The following MS4A10 variants were observed in gnomAD, a reference collection of about 807,000 sequenced individuals.
MS4A10 encodes the protein membrane spanning 4-domains A10.
Under a neutral mutation model 27.7 loss-of-function variants are expected in MS4A10, and 27 were observed. The ratio of observed to expected loss-of-function variants is 0.98; its 90% confidence interval spans 0.72 to 1.35. The LOEUF is 1.35. Ranked by LOEUF, MS4A10 falls within the 40% of genes most tolerant of loss-of-function variation. MS4A10 has a pLI of 0.00. For synonymous variants in MS4A10, 139 were observed against 131.2 expected, an observed-to-expected ratio of 1.06 and a Z score of -0.41; for missense variants, 338 against 324.7, an observed-to-expected ratio of 1.04 and a Z score of -0.32.
At position 60,799,841 on chromosome 11, in the gene MS4A10, A is replaced by G. The variant is rs1477703782; in HGVS notation, c.736A>G (p.Lys246Glu). The part of the protein sequence containing the change: ...HKQHQRLREV[K>E]QVAPDTWIVT... ...CATTTCATGCAGGCTCAGAGAAGTT[A>G]AGCAAGTTGCCCCGGACACATGGAT... Residue 246 changes from lysine to glutamate, a missense_variant, in exon 8 of 8, where the codon AAG becomes GAG. Transcript: ENST00000308287. 6.6e-7 allele frequency: 1 copy of G among 1,515,482 alleles called. No individual in the cohort carries two copies. The highest frequency in any genetic ancestry group is 9.1e-7 in the Non-Finnish European group (1 of 1,092,918). The allele number at this position is 1,515,482 out of a possible 1,614,324, so 93.9% of individuals were successfully genotyped here.
rs1044891948 is a variant in MS4A10, at chr11:60,790,339, A to G, written c.4A>G (p.Lys2Glu). Residue 2 changes from lysine to glutamate, a missense_variant, in exon 2 of 8, where the codon AAA (lysine) becomes GAA (glutamate). Lys to Glu is a moderately conservative substitution (Grantham distance 56). Coordinates refer to ENST00000308287, the MANE Select transcript of MS4A10 (RefSeq NM_206893.4). M[K>E]AEATVIPSRC... The stretch of plus-strand genomic sequence containing the variant: ...CCAGGGCCCCCATCCAGCATCAATG[A>G]AAGCAGAAGCCACAGTTATTCCCAG... 2 of 1,613,910 alleles carry G rather than the reference A, an allele frequency of 1.2e-6. No homozygotes were observed. The highest frequency in any genetic ancestry group is 1.7e-6 in the Non-Finnish European group (2 of 1,179,902).
chr11:60,790,354 G>T lies in MS4A10; in HGVS notation c.19G>T (p.Val7Phe). MKAEAT[V>F]IPSRCARGLP... is the part of the protein sequence containing the mutation. ...AGCATCAATGAAAGCAGAAGCCACA[G>T]TTATTCCCAGCCGTTGTGCTAGGGG... The change falls in exon 2 of 8, where the codon GTT becomes TTT. Residue 7 changes from valine to phenylalanine, a missense_variant. By Grantham distance (50) the Val-to-Phe change is conservative. Coordinates refer to ENST00000308287, the MANE Select transcript of MS4A10 (RefSeq NM_206893.4). 3.1e-6 allele frequency: 5 copies of T among 1,614,072 alleles called. No homozygotes were observed. Among genetic ancestry groups the T allele is most frequent in the Non-Finnish European group, 8.5e-7 (1 of 1,179,972 alleles).
At chr11:60,797,987 A>C (rs1439746029) in intron 6 of MS4A10, among the ~76,000 whole-genome samples, 2 of 152,184 alleles carry the variant, frequency 1.3e-5, no homozygotes, top group African/African-American at 4.8e-5. Context: ...CTCATCACTA[A>C]TCAGGGATGG....
intron 7 of MS4A10, among the ~76,000 whole-genome samples, chr11:60,798,809 C>T (rs1854577635): frequency 6.6e-6 from 1 of 152,246 alleles, no homozygotes; most frequent in Non-Finnish European, 1.5e-5. Flanking sequence ...CCCTGCCAGC[C>T]TCCAGAGCAA....
chr11:60,792,199 G>A (rs1004592494), intron 3 of MS4A10, 66 bp from the exon 4 acceptor site: 4 of 1,227,826 alleles, frequency 3.3e-6, no homozygotes, highest in African/African-American at 3.0e-5. Context: ...TAGGGGTGGG[G>A]GTGGGAATTT....
intron 5 of MS4A10, among the ~76,000 whole-genome samples, chr11:60,795,311 G>A (rs562140023): frequency 7.2e-4 from 110 of 152,112 alleles, no homozygotes; most frequent in African/African-American, 2.3e-3. Flanking sequence ...GCCCTCAAAC[G>A]TTAGGCCAAT....
At chr11:60,795,808 A>C in intron 6 of MS4A10, 143 bp downstream of exon 6, 1 of 495,236 alleles carries the variant, frequency 2.0e-6, no homozygotes, top group East Asian at 3.7e-5. Context: ...ACTAAGTGAC[A>C]GCCCACGATC....
rs1854407516 is a variant in MS4A10 at position 60,790,322 on chromosome 11, C to T, written c.-14C>T. On this transcript the variant is annotated 5_prime_UTR_variant, in exon 2 of 8. Coordinates refer to ENST00000308287, the MANE Select transcript of MS4A10 (RefSeq NM_206893.4). ...TCCTCCCCGTCCTGCAGCCAGGGCC[C>T]CCATCCAGCATCAATGAAAGCAGAA... is the stretch of plus-strand genomic sequence containing the variant. 2 of 1,613,198 alleles carry T rather than the reference C, an allele frequency of 1.2e-6. No homozygotes were observed. Among genetic ancestry groups the T allele is most frequent in the Non-Finnish European group, 1.7e-6 (2 of 1,179,530 alleles).
chr11:60,794,091 C>A lies in MS4A10; in HGVS notation c.480C>A (p.Tyr160Ter). 2 of 1,614,118 alleles carry A rather than the reference C, an allele frequency of 1.2e-6. No individual in the cohort carries two copies. Among genetic ancestry groups the A allele is most frequent in the Non-Finnish European group, 8.5e-7 (1 of 1,180,026 alleles). ...TTGAGTCCCCGATCTGGAGAATGTACCCCAACTCCACGGTGAGTACCCAGG... is the reference window on the plus strand; with the variant it reads ...TTGAGTCCCCGATCTGGAGAATGTAACCCAACTCCACGGTGAGTACCCAGG... ...SPFESPIWRM[Y>*]PNSTVHIQRL... The change falls in exon 5 of 8, where the codon TAC becomes TAA. Residue 160 changes from tyrosine (Y) to a stop codon, truncating the protein, a stop_gained. Coordinates refer to ENST00000308287, the MANE Select transcript of MS4A10 (RefSeq NM_206893.4). LOFTEE classifies it high-confidence loss of function.
At chr11:60,796,346 G>A (rs915253087) in intron 6 of MS4A10, among the ~76,000 whole-genome samples, 10 of 152,164 alleles carry the variant, frequency 6.6e-5, no homozygotes, top group East Asian at 1.9e-4. Context: ...ACAGTGGCAC[G>A]ATCTCGGCCC....
At chr11:60,795,162 G>A (rs185535782) in intron 5 of MS4A10, among the ~76,000 whole-genome samples, 19 of 152,196 alleles carry the variant, frequency 1.2e-4, no homozygotes, top group African/African-American at 4.6e-4. Context: ...ATGACTCCCA[G>A]CTGCACGGCT....
At chr11:60,788,074 T>C (rs1314188326) in intron 1 of MS4A10, among the ~76,000 whole-genome samples, 1 of 151,872 alleles carries the variant, frequency 6.6e-6, no homozygotes, top group Non-Finnish European at 1.5e-5. Flanking sequence ...ATATGGCCAA[T>C]TAAGTTTGGG....
intron 1 of MS4A10, among the ~76,000 whole-genome samples, chr11:60,786,195 A>G (rs940585441): frequency 9.6e-5 from 13 of 135,108 alleles, no homozygotes; most frequent in South Asian, 4.7e-4. Flanking sequence ...ACACGCACAC[A>G]CACACACACA....
At position 60,800,607 on chromosome 11, in the gene MS4A10, A is replaced by G. The variant is rs1464376819; in HGVS notation, c.*698A>G. 2 of 152,222 alleles carry G rather than the reference A, an allele frequency of 1.3e-5. No individual in the cohort carries two copies. Among genetic ancestry groups the G allele is most frequent in the Non-Finnish European group, 2.9e-5 (2 of 68,114 alleles). 9.4% of individuals were successfully genotyped at this position (152,222 alleles called of 1,614,324 possible). A position where few individuals can be genotyped will look rare whatever the true frequency, so the allele number is the denominator to read the frequency against. On this transcript the variant is annotated 3_prime_UTR_variant, in exon 8 of 8. Transcript: ENST00000308287. The stretch of plus-strand genomic sequence containing the variant: ...CCTCTTTGTCATCTCTTTCGCTGCC[A>G]CTTCTGGCTGTGGTCACTAGCTTGG...
At chr11:60,794,719 A>G (rs1319352652) in intron 5 of MS4A10, among the ~76,000 whole-genome samples, 1 of 152,058 alleles carries the variant, frequency 6.6e-6, no homozygotes, top group Non-Finnish European at 1.5e-5. Context: ...CTTGTCACCC[A>G]GGCTGGAGTG....
rs2134762417 is a variant in MS4A10 at position 60,800,908 on chromosome 11, C to T, written c.*999C>T. 2 of 151,982 alleles carry T rather than the reference C, an allele frequency of 1.3e-5. No individual in the cohort carries two copies. Among genetic ancestry groups the T allele is most frequent in the East Asian group, 3.9e-4 (2 of 5,152 alleles). The allele number at this position is 151,982 out of a possible 1,614,324, so 9.4% of individuals were successfully genotyped here. ...TCCCGAGTTCAAGCAATTCTCCTGC[C>T]TCAGCCTCCCGAGTAGCTGGGATTA... On this transcript the variant is annotated 3_prime_UTR_variant, in exon 8 of 8. Transcript: ENST00000308287.
rs983538899 is a variant in MS4A10 at position 60,800,646 on chromosome 11, C to T, written c.*737C>T. ...TCACTAGCTTGGCCATAGCACCTCT[C>T]TTCTCCACTTCTGATCTGCTGCTTC... On this transcript the variant is annotated 3_prime_UTR_variant, in exon 8 of 8. Coordinates refer to ENST00000308287, the MANE Select transcript of MS4A10 (RefSeq NM_206893.4). 1.3e-5 allele frequency: 2 copies of T among 152,312 alleles called. No individual in the cohort carries two copies. The highest frequency in any genetic ancestry group is 2.9e-5 in the Non-Finnish European group (2 of 68,096). The allele number at this position is 152,312 out of a possible 1,614,324, so 9.4% of individuals were successfully genotyped here.
intron 6 of MS4A10, among the ~76,000 whole-genome samples, chr11:60,796,946 T>C (rs1052950398): frequency 2.0e-4 from 31 of 152,294 alleles, no homozygotes; most frequent in African/African-American, 7.5e-4. Flanking sequence ...TAGAACATTA[T>C]TTAAAAAAGT....
In MS4A10 at chr11:60,798,411, C is replaced by T; in HGVS notation, c.619C>T (p.Leu207Phe). ...CPSAKNDDAC[L>F]VPNTPLHLKG... ...TCTTTCGCAGAATGATGATGCATGC[C>T]TTGTTCCGAATACACCATTGCATCT... Residue 207 changes from leucine (L) to phenylalanine (F), a missense_variant, in exon 7 of 8, where the codon CTT becomes TTT. Physicochemically the swap from Leu to Phe is conservative, Grantham distance 22 (BLOSUM62 0). Coordinates refer to ENST00000308287, the MANE Select transcript of MS4A10 (RefSeq NM_206893.4). 6.2e-7 allele frequency: 1 copy of T among 1,613,892 alleles called. No individual in the cohort carries two copies. Among genetic ancestry groups the T allele is most frequent in the South Asian group, 1.1e-5 (1 of 91,050 alleles).
Sources: gnomAD v4.1 joint callset for allele counts (sites outside exome capture counted in the v4.1 genomes callset) on GRCh38, gnomAD v4.1.1 for gene constraint, MANE v1.5 for transcripts, NCBI Gene and HGNC (gene_info 2026-07-23, HGNC 2026-07-21) for gene names.